The following PIK3C2G variants were observed in gnomAD, a reference collection of about 807,000 sequenced individuals.
PIK3C2G encodes the protein phosphatidylinositol-4-phosphate 3-kinase catalytic subunit type 2 gamma.
PIK3C2G carries 168 observed loss-of-function variants against 181.1 expected under a neutral mutation model. The observed-to-expected ratio is 0.93, with a 90% CI of 0.82 to 1.05. PIK3C2G has a LOEUF of 1.05. Ranked by LOEUF, PIK3C2G falls within the 50% of genes least tolerant of loss-of-function variation. The pLI, the probability that PIK3C2G is intolerant of heterozygous loss-of-function variation, is 0.00. For missense variants in PIK3C2G, 1,869 were observed against 1,732.8 expected, an observed-to-expected ratio of 1.08 and a Z score of -1.40; for synonymous variants, 573 against 592.2, an observed-to-expected ratio of 0.97 and a Z score of 0.47.
At chr12:18,512,842 T>G (rs1483368576) in intron 24 of PIK3C2G, among the ~76,000 whole-genome samples, 3 of 151,898 alleles carry the variant, frequency 2.0e-5, no homozygotes, top group Non-Finnish European at 4.4e-5. Flanking sequence ...TGAAAAGAAG[T>G]GGTAAGAATG....
chr12:18,312,535 A>G (rs1395289194), intron 5 of PIK3C2G, among the ~76,000 whole-genome samples: 1 of 152,152 alleles, frequency 6.6e-6, no homozygotes, highest in Non-Finnish European at 1.5e-5. Flanking sequence ...TACATGTGAT[A>G]GATTGTGAGG....
the PIK3C2G span, chr12:18,694,966 A>AT: frequency 6.2e-7 from 1 of 1,607,562 alleles, no homozygotes; most frequent in Non-Finnish European, 8.5e-7. Context: ...TTAAAGTATG[A>AT]TTTACTCTCT....
intron 15 of PIK3C2G, among the ~76,000 whole-genome samples, chr12:18,393,329 A>G (rs1012684145): frequency 5.9e-5 from 9 of 152,200 alleles, no homozygotes; most frequent in Admixed American, 4.6e-4. Context: ...GACTGTGAAA[A>G]TAGATGGAGA....
chr12:18,383,089 A>G (rs2137979574), intron 14 of PIK3C2G, among the ~76,000 whole-genome samples: 1 of 152,316 alleles, frequency 6.6e-6, no homozygotes, highest in Non-Finnish European at 1.5e-5. Context: ...TCTGTTTTAA[A>G]AGAACAAAAA....
intron 31 of PIK3C2G, among the ~76,000 whole-genome samples, chr12:18,625,794 T>C (rs113183821): frequency 6.6e-6 from 1 of 151,834 alleles, no homozygotes; most frequent in Non-Finnish European, 1.5e-5. Flanking sequence ...CTTTTTGCAG[T>C]TTTTTATTTA....
chr12:18,252,746 C>T (rs1283455597), intron 1 of PIK3C2G, among the ~76,000 whole-genome samples: 1 of 152,094 alleles, frequency 6.6e-6, no homozygotes, highest in Non-Finnish European at 1.5e-5. Context: ...AGGAGGGTAC[C>T]TCTCCAAAGA....
intron 18 of PIK3C2G, among the ~76,000 whole-genome samples, chr12:18,459,467 T>C (rs535114434): frequency 6.6e-6 from 1 of 152,318 alleles, no homozygotes; most frequent in Admixed American, 6.5e-5. Context: ...CAAATAAATG[T>C]TCATGGGAAA....
the PIK3C2G span, among the ~76,000 whole-genome samples, chr12:18,678,748 T>C: frequency 5.9e-5 from 9 of 152,072 alleles, no homozygotes; most frequent in African/African-American, 2.2e-4. Flanking sequence ...CACCTGTTCA[T>C]GAACATTTGG....
At chr12:18,657,296 G>C in the PIK3C2G span, among the ~76,000 whole-genome samples, 3 of 152,148 alleles carry the variant, frequency 2.0e-5, no homozygotes, top group Non-Finnish European at 4.4e-5. Context: ...GCTCTGAAAA[G>C]TTTCCACAAA....
At chr12:18,634,131 G>T (rs1216367119) in intron 31 of PIK3C2G, among the ~76,000 whole-genome samples, 1 of 152,144 alleles carries the variant, frequency 6.6e-6, no homozygotes, top group African/African-American at 2.4e-5. Flanking sequence ...TCATCGTTCT[G>T]TAGAGACCAG....
At chr12:18,255,595 G>T (rs1296879226) in intron 1 of PIK3C2G, among the ~76,000 whole-genome samples, 2 of 152,294 alleles carry the variant, frequency 1.3e-5, no homozygotes, top group Admixed American at 6.5e-5. Context: ...GCAGACAGGA[G>T]AGCGCACAGA....
chr12:18,370,434 T>C (rs1941965713), intron 12 of PIK3C2G, among the ~76,000 whole-genome samples: 1 of 152,170 alleles, frequency 6.6e-6, no homozygotes, highest in Non-Finnish European at 1.5e-5. Context: ...AGAGATTGTA[T>C]ATGTGTTACA....
intron 18 of PIK3C2G, among the ~76,000 whole-genome samples, chr12:18,430,364 T>A (rs916232991): frequency 2.6e-5 from 4 of 152,150 alleles, no homozygotes; most frequent in Non-Finnish European, 1.5e-5. Context: ...TTTTATAAGG[T>A]GTCACTTAAG....
chr12:18,498,003 G>A (rs908549325), intron 22 of PIK3C2G, among the ~76,000 whole-genome samples: 6 of 151,932 alleles, frequency 3.9e-5, no homozygotes, highest in African/African-American at 1.5e-4. Context: ...TTTATTTTAT[G>A]TGTCTTTAAG....
chr12:18,311,594 C>A lies in PIK3C2G; in HGVS notation c.1035-2368C>A, dbSNP rs528927857. On this transcript the variant is annotated intron_variant, in intron 5 of 32. Coordinates refer to ENST00000538779, the MANE Select transcript of PIK3C2G (RefSeq NM_001288772.2). ...AAACAGGTGAAAATAAATTTTAATA[C>A]TACAGTATATGTGTACATACATGTA... Among the ~76,000 whole-genome samples, 14 of 151,472 alleles carry A rather than the reference C, an allele frequency of 9.2e-5. No individual in the cohort carries two copies. The South Asian group carries it at 1.9e-3, about 20-fold the overall frequency.
the PIK3C2G span, chr12:18,723,683 A>T: frequency 1.3e-6 from 1 of 788,688 alleles, no homozygotes; most frequent in Non-Finnish European, 2.0e-6. Context: ...AAGATAAAAT[A>T]TACAAAGCTG....
intron 1 of PIK3C2G, among the ~76,000 whole-genome samples, chr12:18,263,505 T>C (rs1948342008): frequency 6.6e-6 from 1 of 152,180 alleles, no homozygotes; most frequent in Non-Finnish European, 1.5e-5. Context: ...ATTACTTCCA[T>C]TATAAATGTG....
downstream of PIK3C2G, among the ~76,000 whole-genome samples, chr12:18,651,337 G>A (rs1657548541): frequency 6.6e-6 from 1 of 152,086 alleles, no homozygotes; most frequent in Non-Finnish European, 1.5e-5. Context: ...GTGAGATGTT[G>A]CAAGCTGCCC....
intron 30 of PIK3C2G, among the ~76,000 whole-genome samples, chr12:18,601,238 G>A (rs761664558): frequency 4.6e-5 from 7 of 150,786 alleles, no homozygotes; most frequent in Non-Finnish European, 1.0e-4. Flanking sequence ...AAAGGCATTT[G>A]ATAAAATTGA....
Sources: allele counts gnomAD v4.1 joint callset (sites outside exome capture counted in the v4.1 genomes callset), GRCh38; gene constraint gnomAD v4.1.1; transcripts MANE v1.5; gene names NCBI Gene and HGNC (gene_info 2026-07-23, HGNC 2026-07-21).